Variants in MYO3A observed in about 807,000 individuals in gnomAD.
MYO3A encodes myosin IIIA.
Under a neutral mutation model 192.7 loss-of-function variants are expected in MYO3A, and 180 were observed. That is an observed-to-expected ratio of 0.93 (90% CI 0.83 to 1.06). The LOEUF (loss-of-function observed/expected upper bound fraction) is 1.06. Among genes scored for constraint, MYO3A ranks in the 50% least tolerant of loss-of-function variants. The pLI, the probability that MYO3A is intolerant of heterozygous loss-of-function variation, is 0.00. For missense variants in MYO3A, 1,896 were observed against 1,905.0 expected (o/e 1.00, Z 0.09); for synonymous variants, 628 against 645.3 (o/e 0.97, Z 0.41).
intron 31 of MYO3A, among the ~76,000 whole-genome samples, chr10:26,181,328 A>G (rs563373293): frequency 2.6e-5 from 4 of 152,222 alleles, no homozygotes; most frequent in Non-Finnish European, 4.4e-5. Flanking sequence ...ACAAACTATA[A>G]GAAGTAATAA....
chr10:26,154,983 G>A (rs986295540), intron 25 of MYO3A, among the ~76,000 whole-genome samples, 160 bp downstream of exon 25: 1 of 152,202 alleles, frequency 6.6e-6, no homozygotes, highest in Non-Finnish European at 1.5e-5. Flanking sequence ...AAAATCTGCA[G>A]ATTGGTTTAT....
chr10:26,006,481 T>C lies in MYO3A; in HGVS notation c.508+9223T>C, dbSNP rs545432090. Among the ~76,000 whole-genome samples the C allele has an allele frequency of 5.2e-3, 791 of 152,146 alleles. 8 individuals are homozygous for C. The highest frequency in any genetic ancestry group is 0.018 in the African/African-American group (748 of 41,492). ...AGGATCAACAAAATTGATAGACTGCTAGCAAGACTAATAAAGAAGAAAAGA... is the reference window on the plus strand; with the variant it reads ...AGGATCAACAAAATTGATAGACTGCCAGCAAGACTAATAAAGAAGAAAAGA... On this transcript the variant is annotated intron_variant, in intron 6 of 34. Coordinates refer to ENST00000642920, the MANE Select transcript of MYO3A (RefSeq NM_017433.5).
intron 32 of MYO3A, among the ~76,000 whole-genome samples, chr10:26,197,266 T>C (rs2150161): frequency 0.66 from 100,210 of 152,048 alleles, 33,649 homozygotes; most frequent in African/African-American, 0.81. Context: ...GGCAAGGAAG[T>C]AGTCATGGTG....
chr10:26,158,625 G>C (rs563957333), intron 26 of MYO3A, among the ~76,000 whole-genome samples: 1 of 152,020 alleles, frequency 6.6e-6, no homozygotes, highest in East Asian at 1.9e-4. Flanking sequence ...ATTTTATTGA[G>C]TAATACGTTA....
chr10:26,162,595 G>A (rs151060202), intron 26 of MYO3A, among the ~76,000 whole-genome samples: 118 of 152,192 alleles, frequency 7.8e-4, no homozygotes, highest in African/African-American at 2.7e-3. Flanking sequence ...CTTCATCCAC[G>A]TTTAATTTCA....
intron 2 of MYO3A, among the ~76,000 whole-genome samples, chr10:25,943,836 A>G (rs946564447): frequency 6.6e-6 from 1 of 151,554 alleles, no homozygotes; most frequent in African/African-American, 2.4e-5. Context: ...ATAAGATCAA[A>G]TAGTCTGTGA....
intron 4 of MYO3A, among the ~76,000 whole-genome samples, chr10:25,962,058 A>G (rs534514284): frequency 6.6e-6 from 1 of 152,258 alleles, no homozygotes; most frequent in Admixed American, 6.5e-5. Context: ...GTGGATGGCC[A>G]TACTAGCCTA....
intron 14 of MYO3A, among the ~76,000 whole-genome samples, chr10:26,075,462 G>A (rs910456756): frequency 1.3e-5 from 2 of 150,930 alleles, no homozygotes; most frequent in African/African-American, 4.9e-5. Flanking sequence ...AAAGTCCACT[G>A]TATCATTCTT....
chr10:25,980,821 GT>G (rs1305271299), intron 4 of MYO3A, among the ~76,000 whole-genome samples: 1 of 152,132 alleles, frequency 6.6e-6, no homozygotes, highest in Admixed American at 6.5e-5. Context: ...TGGTACATTT[GT>G]TACAACTAAG....
intron 4 of MYO3A, among the ~76,000 whole-genome samples, chr10:25,965,947 C>T (rs1838231940): frequency 6.8e-6 from 1 of 147,476 alleles, no homozygotes; most frequent in African/African-American, 2.7e-5. Flanking sequence ...TGATTCAGAA[C>T]TGTTTTTTTT....
At chr10:26,006,752 C>CA (rs1841241125) in intron 6 of MYO3A, among the ~76,000 whole-genome samples, 1 of 151,182 alleles carries the variant, frequency 6.6e-6, no homozygotes, top group South Asian at 2.1e-4. Context: ...GCTTACCAAC[C>CA]AAAAAGAGTC....
chr10:26,043,792 C>G (rs968968312), intron 10 of MYO3A, among the ~76,000 whole-genome samples: 2 of 152,182 alleles, frequency 1.3e-5, no homozygotes, highest in African/African-American at 4.8e-5. Flanking sequence ...CCCAAGAGCC[C>G]ACTTAATGCT....
chr10:26,203,868 T>C (rs559745054), intron 34 of MYO3A, among the ~76,000 whole-genome samples: 3 of 152,312 alleles, frequency 2.0e-5, no homozygotes, highest in Middle Eastern at 3.4e-3. Flanking sequence ...CACATGGTCT[T>C]AGGTTTGGAT....
intron 7 of MYO3A, among the ~76,000 whole-genome samples, chr10:26,020,760 G>T (rs1486763552): frequency 6.6e-6 from 1 of 152,068 alleles, no homozygotes; most frequent in African/African-American, 2.4e-5. Flanking sequence ...ACTAAATTGG[G>T]AAGTAATCAA....
At chr10:26,124,188 C>CAAAAAAA (rs34682530) in intron 18 of MYO3A, among the ~76,000 whole-genome samples, 1 of 89,576 alleles carries the variant, frequency 1.1e-5, no homozygotes, top group Admixed American at 1.3e-4. Flanking sequence ...GACTTTGTCT[C>CAAAAAAA]AAAAAAAAAA....
chr10:25,952,772 G>A (rs1483701578), intron 3 of MYO3A, among the ~76,000 whole-genome samples: 1 of 151,926 alleles, frequency 6.6e-6, no homozygotes, highest in Non-Finnish European at 1.5e-5. Context: ...CAGACATGGT[G>A]TGGATTTATA....
intron 2 of MYO3A, among the ~76,000 whole-genome samples, chr10:25,946,880 A>T (rs1486653929): frequency 1.5e-5 from 1 of 68,000 alleles, no homozygotes; most frequent in Non-Finnish European, 3.7e-5. Flanking sequence ...TCCGTCTCAA[A>T]AAAAAAAAAA....
chr10:26,070,296 C>A, intron 13 of MYO3A, 22 bp from the exon 14 acceptor site: 1 of 1,610,218 alleles, frequency 6.2e-7, no homozygotes, highest in Non-Finnish European at 8.5e-7. Context: ...GGTCTTCTCA[C>A]AGTTTTCTTT....
intron 6 of MYO3A, among the ~76,000 whole-genome samples, chr10:25,998,309 T>C (rs1163994086): frequency 2.0e-5 from 3 of 152,186 alleles, no homozygotes; most frequent in Non-Finnish European, 4.4e-5. Flanking sequence ...TTCTTTAATA[T>C]CTAAGTATTT....
Sources: allele counts gnomAD v4.1 joint callset (sites outside exome capture counted in the v4.1 genomes callset), GRCh38; gene constraint gnomAD v4.1.1; transcripts MANE v1.5; gene names NCBI Gene and HGNC (gene_info 2026-07-23, HGNC 2026-07-21).